The following SHC4 variants were observed in gnomAD, a reference collection of about 807,000 sequenced individuals.
The protein encoded by SHC4 is SHC-transforming protein 4.
Under a neutral mutation model 69.4 loss-of-function variants are expected in SHC4, and 41 were observed. The ratio of observed to expected loss-of-function variants is 0.59; its 90% CI spans 0.46 to 0.77. The LOEUF (loss-of-function observed/expected upper bound fraction) is 0.77, where lower values mean the gene tolerates loss of function less well. Among genes scored for constraint, SHC4 ranks in the 30% least tolerant of loss-of-function variants. The probability of loss-of-function intolerance (pLI) is 0.00; values close to 1 mark genes in which losing one functional copy is unlikely to be tolerated. For synonymous variants in SHC4, 318 were observed against 299.3 expected, an observed-to-expected ratio of 1.06 and a Z score of -0.64; for missense variants, 777 against 783.8, an observed-to-expected ratio of 0.99 and a Z score of 0.10.
At chr15:48,894,589 T>A (rs1055863918) in intron 2 of SHC4, among the ~76,000 whole-genome samples, 6 of 152,076 alleles carry the variant, frequency 3.9e-5, no homozygotes, top group African/African-American at 1.4e-4. Context: ...TTTTAACCCC[T>A]CCATCTTTGT....
chr15:48,877,504 A>C (rs994834319), intron 4 of SHC4: 3 of 984,806 alleles, frequency 3.0e-6, no homozygotes, highest in Non-Finnish European at 3.6e-6. Flanking sequence ...ACAAAATAGT[A>C]TTTTGCTGTC....
chr15:48,911,939 C>G (rs1228976444), intron 2 of SHC4, among the ~76,000 whole-genome samples: 1 of 152,180 alleles, frequency 6.6e-6, no homozygotes, highest in African/African-American at 2.4e-5. Context: ...TCCCTTCTAG[C>G]TTGTAGGGTT....
intron 11 of SHC4, among the ~76,000 whole-genome samples, chr15:48,827,994 G>A (rs1483055995): frequency 6.6e-6 from 1 of 151,892 alleles, no homozygotes; most frequent in Non-Finnish European, 1.5e-5. Flanking sequence ...TTACAGTACT[G>A]GCCTAGTCCT....
chr15:48,872,172 AAATT>A (rs768192944), intron 4 of SHC4, 30 bp from the exon 5 acceptor site: 122 of 1,272,248 alleles, frequency 9.6e-5, no homozygotes, highest in South Asian at 5.1e-4. Flanking sequence ...ATACTAATAT[AAATT>A]AATTGTTATT....
chr15:48,945,125 G>A (rs1171105165), intron 1 of SHC4, among the ~76,000 whole-genome samples: 1 of 152,180 alleles, frequency 6.6e-6, no homozygotes, highest in Non-Finnish European at 1.5e-5. Flanking sequence ...AGCCCAGATT[G>A]AAATGTTGGG....
At chr15:48,883,320 C>T (rs907605222) in intron 4 of SHC4, among the ~76,000 whole-genome samples, 1 of 152,070 alleles carries the variant, frequency 6.6e-6, no homozygotes, top group African/African-American at 2.4e-5. Flanking sequence ...TACCATAATC[C>T]TCATTTCACT....
chr15:48,898,726 C>T (rs1900266403), intron 2 of SHC4, among the ~76,000 whole-genome samples: 1 of 152,172 alleles, frequency 6.6e-6, no homozygotes, highest in Non-Finnish European at 1.5e-5. Flanking sequence ...ACATTAAGTG[C>T]TGGTTTTTTC....
chr15:48,860,486 G>A (rs1207042888), intron 6 of SHC4, among the ~76,000 whole-genome samples: 1 of 152,052 alleles, frequency 6.6e-6, no homozygotes, highest in African/African-American at 2.4e-5. Context: ...CAGTCTGGGC[G>A]ACGAGTGAAA....
intron 11 of SHC4, among the ~76,000 whole-genome samples, chr15:48,832,909 TTTTC>T (rs957489931): frequency 4.7e-4 from 72 of 152,298 alleles, no homozygotes; most frequent in African/African-American, 1.7e-3. Flanking sequence ...CTTTTTAATA[TTTTC>T]TTTCTCTCTG....
chr15:48,930,070 C>G (rs1042484262), intron 1 of SHC4, among the ~76,000 whole-genome samples: 7 of 152,194 alleles, frequency 4.6e-5, no homozygotes, highest in Non-Finnish European at 8.8e-5. Flanking sequence ...CATCCTAACT[C>G]TCTTACAGAA....
chr15:48,912,687 T>A (rs1900530632), intron 2 of SHC4, among the ~76,000 whole-genome samples: 1 of 151,944 alleles, frequency 6.6e-6, no homozygotes, highest in Non-Finnish European at 1.5e-5. Flanking sequence ...ATTACCCGGG[T>A]TGGTTTTCTG....
intron 1 of SHC4, among the ~76,000 whole-genome samples, chr15:48,948,446 T>C (rs2141038109): frequency 6.6e-6 from 1 of 152,362 alleles, no homozygotes; most frequent in African/African-American, 2.4e-5. Flanking sequence ...GACAACTTGC[T>C]GCATGAAGCC....
chr15:48,833,123 G>A (rs1047854039), intron 11 of SHC4, among the ~76,000 whole-genome samples: 1 of 152,076 alleles, frequency 6.6e-6, no homozygotes, highest in Admixed American at 6.6e-5. Context: ...TGGGATCTAT[G>A]CATTTGAAAA....
At chr15:48,858,380 T>A (rs970783193) in intron 6 of SHC4, among the ~76,000 whole-genome samples, 1 of 152,112 alleles carries the variant, frequency 6.6e-6, no homozygotes, top group African/African-American at 2.4e-5. Context: ...GCAATCCCCA[T>A]CTTTGAAATC....
intron 2 of SHC4, among the ~76,000 whole-genome samples, chr15:48,910,321 C>G (rs906207864): frequency 6.6e-6 from 1 of 152,010 alleles, no homozygotes; most frequent in African/African-American, 2.4e-5. Flanking sequence ...GTATCTATCT[C>G]TTCTAGGTTT....
intron 2 of SHC4, among the ~76,000 whole-genome samples, chr15:48,923,689 G>A (rs1249310343): frequency 7.0e-6 from 1 of 143,654 alleles, no homozygotes; most frequent in East Asian, 2.1e-4. Flanking sequence ...ACCCACACAG[G>A]AGTGTATTGG....
chr15:48,894,389 T>C (rs1024082805), intron 2 of SHC4, among the ~76,000 whole-genome samples: 1 of 152,184 alleles, frequency 6.6e-6, no homozygotes, highest in African/African-American at 2.4e-5. Context: ...CTTTAAAATA[T>C]TGAAAATAAT....
intron 4 of SHC4, chr15:48,876,667 G>A (rs1363255887): frequency 3.1e-5 from 20 of 642,360 alleles, no homozygotes; most frequent in Non-Finnish European, 5.4e-5. Flanking sequence ...ATCCAACACA[G>A]GAGAAAGATT....
chr15:48,927,680 G>C (rs548973117), intron 1 of SHC4, among the ~76,000 whole-genome samples: 1 of 152,038 alleles, frequency 6.6e-6, no homozygotes, highest in East Asian at 1.9e-4. Context: ...TGCCACATTG[G>C]CCTCCTTTCT....
Sources: allele counts gnomAD v4.1 joint callset (sites outside exome capture counted in the v4.1 genomes callset), GRCh38; gene constraint gnomAD v4.1.1; transcripts MANE v1.5; gene names NCBI Gene and HGNC (gene_info 2026-07-23, HGNC 2026-07-21).